FGD6: variants seen among roughly 807,000 people sequenced by gnomAD.
FGD6 encodes FYVE, RhoGEF and PH domain containing 6, also known as FYVE, RhoGEF and PH domain-containing protein 6.
In FGD6, 90 loss-of-function variants were observed where a neutral mutation model predicts 149.4. That is an observed-to-expected ratio of 0.60 (90% confidence interval 0.51 to 0.72). The LOEUF is 0.72. FGD6 is among the 30% of genes least tolerant of loss of function. The pLI is 0.00. For missense variants in FGD6, 1,437 were observed against 1,684.8 expected (o/e 0.85, Z 2.57); for synonymous variants, 527 against 584.0 (o/e 0.90, Z 1.41).
intron 2 of FGD6, among the ~76,000 whole-genome samples, chr12:95,180,695 A>G (rs1395914194): frequency 1.3e-5 from 2 of 151,892 alleles, no homozygotes; most frequent in African/African-American, 4.8e-5. Context: ...TGGCTGAGAG[A>G]TTTTATTATT....
intron 15 of FGD6, 89 bp downstream of exon 15, chr12:95,094,503 C>T: frequency 1.2e-6 from 1 of 825,012 alleles, no homozygotes. Flanking sequence ...TTTTCTGAAA[C>T]ACATGTTGCT....
In FGD6 at chr12:95,080,356, A is replaced by G. The variant is rs1240729480; in HGVS notation, c.*1164T>C. The G allele has an allele frequency of 6.6e-6, 1 of 152,150 alleles. No homozygotes were observed. Among genetic ancestry groups the G allele is most frequent in the African/African-American group, 2.4e-5 (1 of 41,428 alleles). 9.4% of individuals were successfully genotyped at this position (152,150 alleles called of 1,614,324 possible). A position where few individuals can be genotyped will look rare whatever the true frequency, so the allele number is the denominator to read the frequency against. Reference sequence around the variant, plus strand: ...TTTCATTTTCTTCTGCTAATCAACAATTGTATGTGCAAGGTAGTTCATATG... The same window carrying G: ...TTTCATTTTCTTCTGCTAATCAACAGTTGTATGTGCAAGGTAGTTCATATG... On this transcript the variant is annotated 3_prime_UTR_variant, in exon 21 of 21. Coordinates refer to ENST00000343958, the MANE Select transcript of FGD6 (RefSeq NM_018351.4).
In FGD6 at chr12:95,210,742, T is replaced by C. The variant is rs1239423665; in HGVS notation, c.542A>G (p.Glu181Gly). The change falls in exon 2 of 21, where the codon GAG (glutamate) becomes GGG (glycine). Residue 181 changes from glutamate to glycine, a missense_variant. Transcript: ENST00000343958. Reference sequence around the variant, plus strand: ...GTGTATTAAGGCATCTTTGAGCTCCTCTTCTAAAACGCTTGCCTTTAAAAC... The same window carrying C: ...GTGTATTAAGGCATCTTTGAGCTCCCCTTCTAAAACGCTTGCCTTTAAAAC... ...GVVLKASVLE[E>G]ELKDALIHQM... 1.1e-5 allele frequency: 18 copies of C among 1,613,990 alleles called. No homozygotes were observed. Among genetic ancestry groups the C allele is most frequent in the Non-Finnish European group, 1.4e-5 (17 of 1,180,034 alleles).
intron 2 of FGD6, among the ~76,000 whole-genome samples, chr12:95,192,753 G>A (rs1032829305): frequency 2.6e-5 from 4 of 152,168 alleles, no homozygotes; most frequent in African/African-American, 9.7e-5. Flanking sequence ...TGGAAGGGGA[G>A]GATTTCCACA....
chr12:95,117,931 C>G (rs1879069202), intron 8 of FGD6, among the ~76,000 whole-genome samples: 1 of 152,120 alleles, frequency 6.6e-6, no homozygotes, highest in South Asian at 2.1e-4. Context: ...ATCCCAGCTA[C>G]TCAGGAGGCT....
intron 2 of FGD6, among the ~76,000 whole-genome samples, chr12:95,202,870 C>G (rs190458224): frequency 6.6e-6 from 1 of 152,272 alleles, no homozygotes. Flanking sequence ...AGATTTTTTA[C>G]ATTTCCTGAG....
chr12:95,184,667 C>T (rs917110312), intron 2 of FGD6, among the ~76,000 whole-genome samples: 6 of 151,868 alleles, frequency 4.0e-5, no homozygotes, highest in Admixed American at 2.6e-4. Context: ...CTGCAACCTC[C>T]GCCTCCCAGG....
intron 3 of FGD6, among the ~76,000 whole-genome samples, chr12:95,166,749 A>C (rs765186809): frequency 4.3e-4 from 66 of 152,006 alleles, no homozygotes; most frequent in Admixed American, 3.5e-3. Flanking sequence ...GCCCATTATC[A>C]GTCATTCCTC....
At chr12:95,093,001 A>C (rs1247695982) in intron 15 of FGD6, among the ~76,000 whole-genome samples, 156 bp from the exon 16 acceptor site, 1 of 152,176 alleles carries the variant, frequency 6.6e-6, no homozygotes, top group Non-Finnish European at 1.5e-5. Context: ...CGAGTGGATC[A>C]CATGAGGTAC....
intron 20 of FGD6, among the ~76,000 whole-genome samples, chr12:95,083,030 T>TATACACAC (rs772685891): frequency 1.8e-5 from 1 of 56,594 alleles, no homozygotes; most frequent in African/African-American, 8.1e-5. Context: ...TATATATATA[T>TATACACAC]ACACACACAT....
At chr12:95,123,941 G>C (rs187076634) in intron 8 of FGD6, among the ~76,000 whole-genome samples, 1 of 151,108 alleles carries the variant, frequency 6.6e-6, no homozygotes, top group Non-Finnish European at 1.5e-5. Context: ...TGGAGACAGG[G>C]TTTCCCTCTG....
intron 19 of FGD6, 144 bp downstream of exon 19, chr12:95,085,635 TA>T: frequency 1.2e-6 from 1 of 854,628 alleles, no homozygotes; most frequent in Non-Finnish European, 1.7e-6. Context: ...CTGTTCACAT[TA>T]AAAATAACAG....
At chr12:95,114,299 C>T (rs762413317) in intron 8 of FGD6, among the ~76,000 whole-genome samples, 3 of 151,972 alleles carry the variant, frequency 2.0e-5, no homozygotes, top group Non-Finnish European at 2.9e-5. Context: ...CTACTGGTGG[C>T]TAGTGGTTAG....
At chr12:95,211,871 T>C (rs567041515) in intron 1 of FGD6, among the ~76,000 whole-genome samples, 83 of 152,300 alleles carry the variant, frequency 5.4e-4, no homozygotes, top group African/African-American at 1.8e-3. Context: ...AATGAGATAA[T>C]TGACTTCAGT....
At chr12:95,100,892 C>A (rs1204405175) in intron 14 of FGD6, 2 of 372,336 alleles carry the variant, frequency 5.4e-6, no homozygotes, top group Non-Finnish European at 1.0e-5. Context: ...GGTGTCAGAG[C>A]TTATGGTGTT....
Position 95,209,224 on chromosome 12 carries a change from G to A in FGD6, c.2060C>T (p.Pro687Leu). ...GTTTTCTGTGGAATATGCCTTGATG[G>A]GTTTACTTCTCTTCTCCTCTCCTAC... ...LLVGEEKRSK[P>L]IKAYSTENYS... The change falls in exon 2 of 21, where the codon CCC becomes CTC. Residue 687 changes from proline to leucine, a missense_variant. By Grantham distance (98) the Pro-to-Leu change is moderately conservative. Transcript: ENST00000343958. 1 of 1,613,894 alleles carries A rather than the reference G, an allele frequency of 6.2e-7. No individual in the cohort carries two copies. Among genetic ancestry groups the A allele is most frequent in the East Asian group, 2.2e-5 (1 of 44,872 alleles).
At chr12:95,113,393 T>C (rs1054771039) in intron 9 of FGD6, among the ~76,000 whole-genome samples, 1 of 151,920 alleles carries the variant, frequency 6.6e-6, no homozygotes, top group Non-Finnish European at 1.5e-5. Flanking sequence ...CCATCACACC[T>C]GGCTAGTTTT....
intron 5 of FGD6, among the ~76,000 whole-genome samples, chr12:95,143,804 T>C (rs1879929003): frequency 6.6e-6 from 1 of 152,190 alleles, no homozygotes; most frequent in African/African-American, 2.4e-5. Flanking sequence ...TAGTTAAACA[T>C]CCTCTATGGT....
intron 2 of FGD6, among the ~76,000 whole-genome samples, chr12:95,181,811 G>A (rs1427906780): frequency 4.6e-5 from 7 of 152,052 alleles, no homozygotes; most frequent in Non-Finnish European, 8.8e-5. Flanking sequence ...AAAATTAGCT[G>A]GGCGTGGTGG....
Sources: allele counts gnomAD v4.1 joint callset (sites outside exome capture counted in the v4.1 genomes callset), GRCh38; gene constraint gnomAD v4.1.1; transcripts MANE v1.5; gene names NCBI Gene and HGNC (gene_info 2026-07-23, HGNC 2026-07-21).